SETD3: variants seen among roughly 807,000 people sequenced by gnomAD.
The protein encoded by SETD3 is actin-histidine N-methyltransferase.
SETD3 carries 19 observed loss-of-function variants against 63.0 expected under a neutral mutation model. The observed-to-expected ratio is 0.30, with a 90% CI of 0.21 to 0.44. The LOEUF is 0.44. SETD3 is among the 20% of genes least tolerant of loss of function. The probability of loss-of-function intolerance (pLI) is 1.00; values close to 1 mark genes in which losing one functional copy is unlikely to be tolerated. For synonymous variants in SETD3, 286 were observed against 264.1 expected (o/e 1.08, Z -0.80); for missense variants, 587 against 728.5 (o/e 0.81, Z 2.24).
intron 6 of SETD3, among the ~76,000 whole-genome samples, chr14:99,427,189 T>C (rs1052160555): frequency 2.0e-5 from 3 of 152,210 alleles, no homozygotes; most frequent in Non-Finnish European, 2.9e-5. Flanking sequence ...AGAAACTTAA[T>C]GGTGCACATG....
intron 6 of SETD3, among the ~76,000 whole-genome samples, chr14:99,439,810 G>A (rs1893699548): frequency 6.7e-6 from 1 of 148,382 alleles, no homozygotes; most frequent in Admixed American, 6.7e-5. Context: ...ATTCTTTTTT[G>A]AGACAGGATC....
intron 6 of SETD3, among the ~76,000 whole-genome samples, chr14:99,423,455 G>C (rs1892695124): frequency 6.6e-6 from 1 of 151,444 alleles, no homozygotes; most frequent in African/African-American, 2.4e-5. Flanking sequence ...CCATACCTTT[G>C]GGTAGAGTAC....
At chr14:99,475,045 T>C (rs1455942399) in intron 1 of SETD3, among the ~76,000 whole-genome samples, 2 of 152,198 alleles carry the variant, frequency 1.3e-5, no homozygotes, top group African/African-American at 4.8e-5. Context: ...AAAAAACCTT[T>C]TGTAAAGCAA....
chr14:99,416,778 T>C (rs1055974864), intron 6 of SETD3, among the ~76,000 whole-genome samples: 2 of 152,204 alleles, frequency 1.3e-5, no homozygotes, highest in African/African-American at 4.8e-5. Flanking sequence ...AAGTGATTAA[T>C]ATTTTTACTT....
intron 8 of SETD3, chr14:99,410,197 C>T (rs1344763906): frequency 8.1e-6 from 13 of 1,613,262 alleles, no homozygotes; most frequent in South Asian, 3.3e-5. Flanking sequence ...ACAGCAAGAG[C>T]GAAGGAATCT....
Position 99,412,856 on chromosome 14 carries a change from G to T in SETD3, c.849+95C>A, listed in dbSNP as rs1233444892. On this transcript the variant is annotated intron_variant, in intron 8 of 12. Coordinates refer to ENST00000331768, the MANE Select transcript of SETD3 (RefSeq NM_032233.3). ...TTCCTTTTGGAGGGAGGCAACGGGG[G>T]GAGTACGATGGGTAGGTGGAATAAC... 3 of 849,748 alleles carry T rather than the reference G, an allele frequency of 3.5e-6. No homozygotes were observed. The African/African-American group carries it at 5.0e-5, about 14-fold the overall frequency. 52.6% of individuals were successfully genotyped at this position (849,748 alleles called of 1,614,324 possible).
chr14:99,458,552 G>A lies in SETD3; in HGVS notation c.419-17C>T, dbSNP rs1595248461. The stretch of plus-strand genomic sequence containing the variant: ...ATAAGGGCCCTGAATTAACCCAGAA[G>A]TTAACAGCGTAAGTTCCACAAACTT... On this transcript the variant is annotated splice_polypyrimidine_tract_variant and intron_variant, in intron 5 of 12. Coordinates refer to ENST00000331768, the MANE Select transcript of SETD3 (RefSeq NM_032233.3). 5 of 1,604,096 alleles carry A rather than the reference G, an allele frequency of 3.1e-6. 1 individual carries two copies. The Admixed American group carries it at 6.9e-5, about 22-fold the overall frequency.
upstream of SETD3, chr14:99,481,297 T>A (rs1896304617): frequency 2.5e-6 from 1 of 395,378 alleles, no homozygotes; most frequent in Non-Finnish European, 4.5e-6. Flanking sequence ...GGCGGCTCGT[T>A]CCTCTTTTGA....
chr14:99,468,843 C>T (rs987789588), intron 1 of SETD3, among the ~76,000 whole-genome samples: 1 of 152,196 alleles, frequency 6.6e-6, no homozygotes, highest in East Asian at 1.9e-4. Flanking sequence ...GCTCACATAC[C>T]AGCATCCCTT....
intron 8 of SETD3, among the ~76,000 whole-genome samples, chr14:99,408,212 G>T (rs1891790195): frequency 6.6e-6 from 1 of 152,104 alleles, no homozygotes; most frequent in African/African-American, 2.4e-5. Context: ...AATAAATATG[G>T]TTTATTAACC....
At chr14:99,482,562 G>C (rs1896372264), upstream of SETD3, among the ~76,000 whole-genome samples, 1 of 152,156 alleles carries the variant, frequency 6.6e-6, no homozygotes, top group African/African-American at 2.4e-5. Context: ...GTCTTATTCA[G>C]AGTGACCACC....
intron 8 of SETD3, chr14:99,410,269 T>TG (rs752983734): frequency 3.5e-5 from 56 of 1,612,350 alleles, no homozygotes; most frequent in Non-Finnish European, 4.7e-5. Context: ...ACGGAGGGTG[T>TG]GGGGGGACAG....
intron 2 of SETD3, among the ~76,000 whole-genome samples, chr14:99,464,215 T>G (rs1344921543): frequency 1.3e-5 from 2 of 152,166 alleles, no homozygotes; most frequent in Non-Finnish European, 2.9e-5. Context: ...GGCTGAGGTG[T>G]GAGTTTGAAA....
At chr14:99,421,952 G>A (rs1015669502) in intron 6 of SETD3, among the ~76,000 whole-genome samples, 1 of 152,050 alleles carries the variant, frequency 6.6e-6, no homozygotes, top group Admixed American at 6.6e-5. Context: ...AAAATGCTTG[G>A]TAAATACTGT....
chr14:99,481,459 G>C, upstream of SETD3: 2 of 398,710 alleles, frequency 5.0e-6, no homozygotes, highest in Non-Finnish European at 4.4e-6. Flanking sequence ...ACGTCGCTGA[G>C]GGGCTTGCCT....
At chr14:99,466,828 T>C (rs1383076706) in intron 1 of SETD3, among the ~76,000 whole-genome samples, 5 of 152,152 alleles carry the variant, frequency 3.3e-5, no homozygotes, top group East Asian at 1.9e-4. Flanking sequence ...ATGGAAAAAG[T>C]GTCCAGCCAA....
chr14:99,425,601 G>A (rs1892838182), intron 6 of SETD3, among the ~76,000 whole-genome samples: 3 of 152,232 alleles, frequency 2.0e-5, no homozygotes, highest in African/African-American at 7.2e-5. Flanking sequence ...CACGGCAGGT[G>A]CAGAAGGGAT....
chr14:99,458,041 AG>A (rs1051866805), intron 6 of SETD3, among the ~76,000 whole-genome samples: 1 of 152,254 alleles, frequency 6.6e-6, no homozygotes, highest in African/African-American at 2.4e-5. Flanking sequence ...TCAATAACTC[AG>A]GAACAACTGC....
intron 6 of SETD3, among the ~76,000 whole-genome samples, chr14:99,424,568 C>A (rs1892775621): frequency 6.6e-6 from 1 of 152,162 alleles, no homozygotes; most frequent in African/African-American, 2.4e-5. Flanking sequence ...GGGATAAAGC[C>A]AGGACAGAAA....
Sources: allele counts gnomAD v4.1 joint callset (sites outside exome capture counted in the v4.1 genomes callset), GRCh38; gene constraint gnomAD v4.1.1; transcripts MANE v1.5; gene names NCBI Gene and HGNC (gene_info 2026-07-23, HGNC 2026-07-21).